Variants in TINCR observed in about 807,000 individuals in gnomAD.
The protein encoded by TINCR is TINCR ubiquitin domain containing, also known as TINCR-encoded ubiquitin-like protein.
intron 1 of TINCR, among the ~76,000 whole-genome samples, chr19:5,564,174 G>A (rs867661038): frequency 2.0e-5 from 3 of 152,170 alleles, no homozygotes; most frequent in Non-Finnish European, 4.4e-5. Flanking sequence ...CTATCTACCC[G>A]GAAGTGAGAG....
intron 1 of TINCR, among the ~76,000 whole-genome samples, chr19:5,567,150 CA>C (rs2052134044): frequency 6.7e-6 from 1 of 149,656 alleles, no homozygotes; most frequent in African/African-American, 2.5e-5. Flanking sequence ...GAGACAGAGA[CA>C]AGAGACAGAA....
intron 1 of TINCR, among the ~76,000 whole-genome samples, chr19:5,567,166 G>C (rs2052134132): frequency 6.6e-6 from 1 of 151,890 alleles, no homozygotes; most frequent in Non-Finnish European, 1.5e-5. Context: ...ACAGAAACAA[G>C]AGGGAGACAG....
rs956532330 is a variant in TINCR at position 5,562,975 on chromosome 19, G to A, written c.261-26C>T. ...CTGGAATGCAATTTTAAACAGGATG[G>A]TCAGGGAGGGCTGCAGGAAGAGAGG... is the stretch of plus-strand genomic sequence containing the variant. On this transcript the variant is annotated intron_variant, in intron 1 of 1. Transcript: ENST00000646160. The surrounding 1 kb of genome is among the most constrained non-coding windows in gnomAD (Gnocchi z 4.4). The A allele has an allele frequency of 1.3e-5, 2 of 152,354 alleles. No homozygotes were observed. The highest frequency in any genetic ancestry group is 2.9e-5 in the Non-Finnish European group (2 of 68,218). 9.4% of individuals were successfully genotyped at this position (152,354 alleles called of 1,614,324 possible). A position where few individuals can be genotyped will look rare whatever the true frequency, so the allele number is the denominator to read the frequency against.
At position 5,565,252 on chromosome 19, in the gene TINCR, C is replaced by A. The variant is rs2052122481; in HGVS notation, c.261-2303G>T. On this transcript the variant is annotated intron_variant, in intron 1 of 1. Coordinates refer to ENST00000646160, the Ensembl canonical transcript of TINCR. This position sits in a 1 kb window ranked among gnomAD's most constrained non-coding sequence, Gnocchi z 4.0. ...GCCTTTGCACAGGCTGTTCCTACTG[C>A]CTGGAACACCCTTCCCTGACTCTCT... Among the ~76,000 whole-genome samples, 1 of 152,192 alleles carries A rather than the reference C, an allele frequency of 6.6e-6. No homozygotes were observed. Among genetic ancestry groups the A allele is most frequent in the Admixed American group, 6.5e-5 (1 of 15,282 alleles).
chr19:5,566,705 CAAAGAGACA>C (rs1274494734), intron 1 of TINCR, among the ~76,000 whole-genome samples: 3 of 149,490 alleles, frequency 2.0e-5, no homozygotes, highest in African/African-American at 7.4e-5. Context: ...CAAAAATGGA[CAAAGAGACA>C]AAAGAGACAG....
At chr19:5,560,227 A>C (rs1408073015), downstream of TINCR, 1 of 152,246 alleles carries the variant, frequency 6.6e-6, no homozygotes, top group African/African-American at 2.4e-5. The surrounding 1 kb of genome is among the most constrained non-coding windows in gnomAD (Gnocchi z 4.5). Context: ...CTCTGAAGGG[A>C]GGCGAGCAGG....
At chr19:5,567,508 C>G (rs937616443) in intron 1 of TINCR, among the ~76,000 whole-genome samples, 157 bp downstream of exon 1, 1 of 152,230 alleles carries the variant, frequency 6.6e-6, no homozygotes, top group African/African-American at 2.4e-5. Context: ...GACCTGACAC[C>G]GGCAAGGCCG....
chr19:5,562,425 C>A (rs1599202906), downstream of TINCR: 1 of 152,394 alleles, frequency 6.6e-6, no homozygotes, highest in South Asian at 2.1e-4. This position sits in a 1 kb window ranked among gnomAD's most constrained non-coding sequence, Gnocchi z 4.4. Flanking sequence ...CCTCTGCTCA[C>A]GATTATGTTA....
At chr19:5,559,483 C>G (rs901899471), downstream of TINCR, 3 of 152,292 alleles carry the variant, frequency 2.0e-5, no homozygotes, top group Admixed American at 2.0e-4. Context: ...TACAGGCGCC[C>G]GCCACCAGGC....
intron 1 of TINCR, among the ~76,000 whole-genome samples, chr19:5,566,040 T>C (rs997910473): frequency 6.6e-6 from 1 of 152,054 alleles, no homozygotes; most frequent in Non-Finnish European, 1.5e-5. Flanking sequence ...GACGCCCCAC[T>C]TGAGGGTCGT....
At position 5,563,237 on chromosome 19, in the gene TINCR, C is replaced by T. The variant is rs996051543; in HGVS notation, c.261-288G>A. 7.9e-5 allele frequency among the ~76,000 whole-genome samples: 12 copies of T among 151,962 alleles called. No individual in the cohort carries two copies. The highest frequency in any genetic ancestry group is 1.3e-4 in the Admixed American group (2 of 15,234). ...TGGAGGGCTGCCGGCAGAGGAGGGACACGCCCCGACTCAGGGGCTCACAGG... is the reference window on the plus strand; with the variant it reads ...TGGAGGGCTGCCGGCAGAGGAGGGATACGCCCCGACTCAGGGGCTCACAGG... On this transcript the variant is annotated intron_variant, in intron 1 of 1. Transcript: ENST00000646160. This position sits in a 1 kb window ranked among gnomAD's most constrained non-coding sequence, Gnocchi z 4.7.
rs865910761 is a variant in TINCR at position 5,563,546 on chromosome 19, G to T, written c.261-597C>A. 6.6e-6 allele frequency among the ~76,000 whole-genome samples: 1 copy of T among 152,170 alleles called. No individual in the cohort carries two copies. Among genetic ancestry groups the T allele is most frequent in the Non-Finnish European group, 1.5e-5 (1 of 68,028 alleles). On this transcript the variant is annotated intron_variant, in intron 1 of 1. Transcript: ENST00000646160. The surrounding 1 kb of genome is among the most constrained non-coding windows in gnomAD (Gnocchi z 4.7). Reference sequence around the variant, plus strand: ...ATGAAGGGCGTGGCTTTAAAGCTGGGTTTAGACCCTGGCTCTGCCCCTTCC... The same window carrying T: ...ATGAAGGGCGTGGCTTTAAAGCTGGTTTTAGACCCTGGCTCTGCCCCTTCC...
chr19:5,566,681 G>C (rs1422912030), intron 1 of TINCR, among the ~76,000 whole-genome samples: 1 of 151,322 alleles, frequency 6.6e-6, no homozygotes, highest in African/African-American at 2.4e-5. Context: ...CACAGACACA[G>C]AGAAAAACAG....
chr19:5,558,448 CA>C (rs1361499819), downstream of TINCR: 1 of 152,286 alleles, frequency 6.6e-6, no homozygotes, highest in East Asian at 1.9e-4. Context: ...GCTTGCCAAA[CA>C]AAGAAGGTGG....
downstream of TINCR, chr19:5,561,734 C>T (rs954592309): frequency 1.3e-5 from 2 of 152,138 alleles, no homozygotes; most frequent in Non-Finnish European, 2.9e-5. Flanking sequence ...TGTTTTCTGC[C>T]ACCTGATGGC....
downstream of TINCR, chr19:5,560,520 C>T (rs1328303115): frequency 1.3e-5 from 2 of 152,238 alleles, no homozygotes; most frequent in Admixed American, 6.5e-5. The surrounding 1 kb of genome is among the most constrained non-coding windows in gnomAD (Gnocchi z 4.5). Flanking sequence ...AGAGGTGCAA[C>T]GGAGGCCCGG....
At chr19:5,566,245 A>T (rs767460334) in intron 1 of TINCR, among the ~76,000 whole-genome samples, 15 of 152,152 alleles carry the variant, frequency 9.9e-5, no homozygotes, top group Non-Finnish European at 1.6e-4. Flanking sequence ...ACACAGACAC[A>T]CATGTTGAGA....
In TINCR at chr19:5,563,963, G is replaced by A. The variant is rs1159227165; in HGVS notation, c.261-1014C>T. Reference sequence around the variant, plus strand: ...ATAAAAGCATCCTCGCCAGGGGACAGCGGTAAGGCCACGTGAAAAGCCCCT... The same window carrying A: ...ATAAAAGCATCCTCGCCAGGGGACAACGGTAAGGCCACGTGAAAAGCCCCT... On this transcript the variant is annotated intron_variant, in intron 1 of 1. Transcript: ENST00000646160. The surrounding 1 kb of genome is among the most constrained non-coding windows in gnomAD (Gnocchi z 4.7). 6.6e-6 allele frequency among the ~76,000 whole-genome samples: 1 copy of A among 152,090 alleles called. No individual in the cohort carries two copies. Among genetic ancestry groups the A allele is most frequent in the Non-Finnish European group, 1.5e-5 (1 of 67,994 alleles).
At chr19:5,566,213 GAGA>G (rs2052127815) in intron 1 of TINCR, among the ~76,000 whole-genome samples, 6 of 151,316 alleles carry the variant, frequency 4.0e-5, no homozygotes, top group Non-Finnish European at 7.4e-5. Flanking sequence ...GAAAAATGCA[GAGA>G]CACCAGAGAG....
Sources: gnomAD v4.1 joint callset for allele counts (sites outside exome capture counted in the v4.1 genomes callset) on GRCh38, gnomAD v4.1.1 for gene constraint, Gnocchi (gnomAD v3.1) non-coding constraint, MANE v1.5 for transcripts, NCBI Gene and HGNC (gene_info 2026-07-23, HGNC 2026-07-21) for gene names.